The following UBA3 variants were observed in gnomAD, a reference collection of about 807,000 sequenced individuals.
UBA3 encodes the protein NEDD8-activating enzyme E1 catalytic subunit.
In UBA3, 26 loss-of-function variants were observed where a neutral mutation model predicts 73.5. The ratio of observed to expected loss-of-function variants is 0.35; its 90% confidence interval spans 0.26 to 0.49. UBA3 has a LOEUF of 0.49. Among genes scored for constraint, UBA3 ranks in the 20% least tolerant of loss-of-function variants. The probability of loss-of-function intolerance (pLI) is 0.98; values close to 1 mark genes in which losing one functional copy is unlikely to be tolerated. For synonymous variants in UBA3, 217 were observed against 191.2 expected (o/e 1.13, Z -1.11); for missense variants, 495 against 555.6 (o/e 0.89, Z 1.10).
chr3:69,058,946 C>T (rs997058716), intron 11 of UBA3, among the ~76,000 whole-genome samples: 2 of 152,154 alleles, frequency 1.3e-5, no homozygotes, highest in Non-Finnish European at 2.9e-5. Flanking sequence ...ATGGATGAGA[C>T]TACATATTAA....
chr3:69,078,216 T>C (rs2092184581), intron 2 of UBA3, among the ~76,000 whole-genome samples: 1 of 152,210 alleles, frequency 6.6e-6, no homozygotes, highest in Non-Finnish European at 1.5e-5. Flanking sequence ...ATTGGTCTAT[T>C]ATGTGAGAAA....
At chr3:69,057,398 T>C in intron 11 of UBA3, 89 bp from the exon 12 acceptor site, 1 of 1,209,936 alleles carries the variant, frequency 8.3e-7, no homozygotes, top group Non-Finnish European at 1.2e-6. Flanking sequence ...AAATACCATT[T>C]TCTAAAACTT....
chr3:69,073,741 C>T lies in UBA3; in HGVS notation c.264+1689G>A, dbSNP rs372067165. 3.5e-4 allele frequency among the ~76,000 whole-genome samples: 53 copies of T among 151,108 alleles called. 1 individual carries two copies. Among genetic ancestry groups the T allele is most frequent in the South Asian group, 2.8e-3 (13 of 4,714 alleles). ...AGCTCTGCCTCCCGGGTTCACGCCA[C>T]TCTCTCGCCTCAGCCTCCCGAGTAG... is the stretch of plus-strand genomic sequence containing the variant. On this transcript the variant is annotated intron_variant, in intron 4 of 17. Coordinates refer to ENST00000361055, the MANE Select transcript of UBA3 (RefSeq NM_003968.4).
chr3:69,079,927 A>G lies in UBA3; in HGVS notation c.62+185T>C, dbSNP rs868751077. On this transcript the variant is annotated intron_variant, in intron 2 of 17. Transcript: ENST00000361055. ...TGGCCCCGACGCCCGCACCGGGCAG[A>G]TACCGGGAGCGGCCCGCCAGGCCCC... The G allele has an allele frequency of 1.1e-4, 63 of 560,932 alleles. 1 individual carries two copies. The Middle Eastern group carries it at 1.9e-3, about 17-fold the overall frequency. The allele number at this position is 560,932 out of a possible 1,614,324, so 34.7% of individuals were successfully genotyped here.
At chr3:69,070,415 T>TAAAG (rs2092111582) in intron 5 of UBA3, among the ~76,000 whole-genome samples, 2 of 152,318 alleles carry the variant, frequency 1.3e-5, no homozygotes, top group South Asian at 4.1e-4. Context: ...AATGTTACCT[T>TAAAG]TTTTGCTAGC....
At chr3:69,074,784 T>C (rs1030263438) in intron 4 of UBA3, among the ~76,000 whole-genome samples, 5 of 152,226 alleles carry the variant, frequency 3.3e-5, no homozygotes, top group African/African-American at 1.2e-4. Flanking sequence ...TCAAATTATA[T>C]ACTTAATTTA....
At position 69,061,902 on chromosome 3, in the gene UBA3, A is replaced by G; in HGVS notation, c.822T>C (p.Asp274=). Residue 274 remains aspartate (D), a synonymous_variant, in exon 11 of 18, where the codon GAT becomes GAC. Coordinates refer to ENST00000361055, the MANE Select transcript of UBA3 (RefSeq NM_003968.4). ...GGAAAATCCATTGTATATGTTCAGG[A>G]TCATCTCCATCTAATGGAACCCCTT... ...FGEGVPLDGD[D]PEHIQWIFQK... 6.2e-7 allele frequency: 1 copy of G among 1,607,170 alleles called. No individual in the cohort carries two copies. The highest frequency in any genetic ancestry group is 8.5e-7 in the Non-Finnish European group (1 of 1,177,398).
chr3:69,065,714 T>C (rs957237630), intron 6 of UBA3, among the ~76,000 whole-genome samples: 1 of 152,150 alleles, frequency 6.6e-6, no homozygotes, highest in South Asian at 2.1e-4. Flanking sequence ...AGTGCTGGAA[T>C]TACAGGCCTG....
chr3:69,057,268 C>T lies in UBA3; in HGVS notation c.952G>A (p.Ala318Thr). 1 of 1,611,466 alleles carries T rather than the reference C, an allele frequency of 6.2e-7. No individual in the cohort carries two copies. The highest frequency in any genetic ancestry group is 8.5e-7 in the Non-Finnish European group (1 of 1,179,344). The change falls in exon 12 of 18, where the codon GCA becomes ACA. Residue 318 changes from alanine to threonine, a missense_variant. Ala to Thr is a moderately conservative substitution (Grantham distance 58). Transcript: ENST00000361055. Reference protein sequence around the residue: ...RIIPAVASTNAVIAAVCATEV... With the variant: ...RIIPAVASTNTVIAAVCATEV... ...TTTTCTTCCTCACCTGCAATGACTG[C>T]ATTTGTGGAAGCTACTGCAGGAATG... is the stretch of plus-strand genomic sequence containing the variant.
intron 11 of UBA3, among the ~76,000 whole-genome samples, chr3:69,057,992 CT>C (rs2091989949): frequency 7.8e-6 from 1 of 128,906 alleles, no homozygotes; most frequent in Non-Finnish European, 1.5e-5. Flanking sequence ...GTGTCGTGAT[CT>C]GATCTCGGCT....
chr3:69,079,251 A>C (rs192671817), intron 2 of UBA3, among the ~76,000 whole-genome samples: 146 of 152,352 alleles, frequency 9.6e-4, no homozygotes, highest in Non-Finnish European at 1.6e-3. Flanking sequence ...GGGATATGGT[A>C]AGCAATGTTT....
chr3:69,057,924 CTTTTTTTTTTTTT>C lies in UBA3; in HGVS notation c.911-628_911-616del, dbSNP rs368333207. 3.5e-5 allele frequency among the ~76,000 whole-genome samples: 4 copies of C among 115,472 alleles called. No individual in the cohort carries two copies. In the South Asian group the frequency reaches 1.1e-3, roughly 31 times the overall value. The allele number at this position is 115,472 out of a possible 152,430, so 75.8% of individuals were successfully genotyped here. ...TTCTCTACTTCAACCCCACATTTTTCTTTTTTTTTTTTTTTTTTTGAGACAGAGTCTCGCTCTG... is the reference window on the plus strand; with the variant it reads ...TTCTCTACTTCAACCCCACATTTTTCTTTTTTGAGACAGAGTCTCGCTCTG... On this transcript the variant is annotated intron_variant, in intron 11 of 17. Transcript: ENST00000361055.
chr3:69,064,091 T>C lies in UBA3; in HGVS notation c.449A>G (p.Asp150Gly). The change falls in exon 7 of 18, where the codon GAT becomes GGT. Residue 150 changes from aspartate to glycine, a missense_variant. Physicochemically the swap from Asp to Gly is moderately conservative, Grantham distance 94 (BLOSUM62 -1). Coordinates refer to ENST00000361055, the MANE Select transcript of UBA3 (RefSeq NM_003968.4). ...ACGTCGATAGAAAGTGTCGTTAAAA[T>C]CTTGAATCTTGTTGAAATGTCTGAA... ...NVVPHFNKIQ[D>G]FNDTFYRQFH... The C allele has an allele frequency of 6.2e-7, 1 of 1,604,408 alleles. No homozygotes were observed. The highest frequency in any genetic ancestry group is 1.1e-5 in the South Asian group (1 of 88,644).
chr3:69,056,008 A>T lies in UBA3; in HGVS notation c.1240T>A (p.Tyr414Asn), dbSNP rs541576675. 6.2e-7 allele frequency: 1 copy of T among 1,605,936 alleles called. No homozygotes were observed. Among genetic ancestry groups the T allele is most frequent in the Non-Finnish European group, 8.5e-7 (1 of 1,177,610 alleles). ...AAATACACATTGATAACCTGTAAGT[A>T]AAGTGTTCTATTTTTTCCCTCTAGG... ...ATLEGKNRTL[Y>N]LQSVTSIEER... Residue 414 changes from tyrosine to asparagine, a missense_variant, in exon 16 of 18, where the codon TAC (tyrosine) becomes AAC (asparagine). Physicochemically the swap from Tyr to Asn is moderately radical, Grantham distance 143. Coordinates refer to ENST00000361055, the MANE Select transcript of UBA3 (RefSeq NM_003968.4).
rs377553939 is a variant in UBA3, at chr3:69,062,952, T to C, written c.693+30A>G. The stretch of plus-strand genomic sequence containing the variant: ...TCCCTAATTCCATGCCAAGATACTA[T>C]AAAAGAAATGCAGGTGCTTTTTTGA... On this transcript the variant is annotated intron_variant, in intron 9 of 17. Coordinates refer to ENST00000361055, the MANE Select transcript of UBA3 (RefSeq NM_003968.4). The C allele has an allele frequency of 1.6e-5, 26 of 1,611,922 alleles. No individual in the cohort carries two copies. The African/African-American group carries it at 3.5e-4, about 22-fold the overall frequency.
chr3:69,063,608 G>C, intron 7 of UBA3, 105 bp from the exon 8 acceptor site: 1 of 933,534 alleles, frequency 1.1e-6, no homozygotes, highest in Non-Finnish European at 1.6e-6. Context: ...TCTGGTGCAA[G>C]ATGTTGATTA....
Position 69,055,509 on chromosome 3 carries a change from A to G in UBA3, c.1320T>C (p.Asp440=), listed in dbSNP as rs2091965095. 6.3e-7 allele frequency: 1 copy of G among 1,580,572 alleles called. No homozygotes were observed. Among genetic ancestry groups the G allele is most frequent in the East Asian group, 2.3e-5 (1 of 43,678 alleles). ...SKTLKELGLV[D]GQELAVADVT... ...CATCAGCAACCGCCAGTTCTTGTCC[A>G]TCAACAAGCCCCAATTCTAAAACAG... The change falls in exon 18 of 18, where the codon GAT becomes GAC. Residue 440 remains aspartate, a synonymous_variant. Transcript: ENST00000361055.
chr3:69,062,038 AT>A lies in UBA3; in HGVS notation c.796+38del, dbSNP rs769584807. 2.0e-6 allele frequency: 3 copies of A among 1,477,848 alleles called. No individual in the cohort carries two copies. In the South Asian group the frequency reaches 3.7e-5, roughly 18 times the overall value. The allele number at this position is 1,477,848 out of a possible 1,614,324, so 91.5% of individuals were successfully genotyped here. A position where few individuals can be genotyped will look rare whatever the true frequency, so the allele number is the denominator to read the frequency against. ...AAGGAATAATATAGAAAAAATATGT[AT>A]TTTATGTAATTCTAGATTATTAAAT... is the stretch of plus-strand genomic sequence containing the variant. On this transcript the variant is annotated intron_variant, in intron 10 of 17. Coordinates refer to ENST00000361055, the MANE Select transcript of UBA3 (RefSeq NM_003968.4).
chr3:69,055,708 T>A (rs2091966796), intron 17 of UBA3, 143 bp downstream of exon 17: 10 of 894,554 alleles, frequency 1.1e-5, no homozygotes, highest in Non-Finnish European at 1.7e-5. Flanking sequence ...CAATTAATTC[T>A]ATTAATATGT....
Sources: gnomAD v4.1 joint callset for allele counts (sites outside exome capture counted in the v4.1 genomes callset) on GRCh38, gnomAD v4.1.1 for gene constraint, MANE v1.5 for transcripts, NCBI Gene and HGNC (gene_info 2026-07-23, HGNC 2026-07-21) for gene names.